Variants in HACE1 observed in about 807,000 individuals in gnomAD.
HACE1 encodes the protein E3 ubiquitin-protein ligase HACE1.
A neutral mutation model predicts 118.4 loss-of-function variants in HACE1; 73 were observed. That is an observed-to-expected ratio of 0.62 (90% CI 0.51 to 0.75). HACE1 has a LOEUF of 0.75. Among genes scored for constraint, HACE1 ranks in the 30% least tolerant of loss-of-function variants. The probability of loss-of-function intolerance (pLI) is 0.00; values close to 1 mark genes in which losing one functional copy is unlikely to be tolerated. For synonymous variants in HACE1, 368 were observed against 374.8 expected, an observed-to-expected ratio of 0.98 and a Z score of 0.21; for missense variants, 749 against 1,102.2, an observed-to-expected ratio of 0.68 and a Z score of 4.54.
chr6:104,737,115 C>G (rs1775933443), intron 22 of HACE1, among the ~76,000 whole-genome samples: 1 of 128,504 alleles, frequency 7.8e-6, no homozygotes, highest in Non-Finnish European at 1.6e-5. Flanking sequence ...GAAACCTCAT[C>G]TCTACTAAAA....
In HACE1 at chr6:104,785,280, C is replaced by T. The variant is rs1455811076; in HGVS notation, c.1114G>A (p.Val372Ile). ...TTCATCAATTCTGTGGCTATTAAAA[C>T]TAGCCATTCATCTAACGAGTGCCAA... is the stretch of plus-strand genomic sequence containing the variant. ...LLWHSLDEWL[V>I]LIATELMKNK... Residue 372 changes from valine to isoleucine, a missense_variant, in exon 12 of 24, where the codon GTT becomes ATT. This residue lies in a region of HACE1 where 267 missense variants were observed against 312.2 expected (regional missense o/e 0.86). Coordinates refer to ENST00000262903, the MANE Select transcript of HACE1 (RefSeq NM_020771.4). The T allele has an allele frequency of 6.2e-7, 1 of 1,610,760 alleles. No homozygotes were observed. The highest frequency in any genetic ancestry group is 1.7e-5 in the Admixed American group (1 of 59,950).
rs768887712 is a variant in HACE1 at position 104,777,051 on chromosome 6, G to C, written c.1738C>G (p.Gln580Glu). Residue 580 changes from glutamine (Q) to glutamate (E), a missense_variant, in exon 16 of 24, where the codon CAA becomes GAA. By Grantham distance (29) the Gln-to-Glu change is conservative. Transcript: ENST00000262903. ...VSKANCAKLK[Q>E]GIAVRFHGEE... is the part of the protein sequence containing the mutation. ...CCATGGAACCGTACAGCAATCCCTT[G>C]CTTTAGCTTTGCACAATTTGCTTTT... 1 of 1,612,568 alleles carries C rather than the reference G, an allele frequency of 6.2e-7. No homozygotes were observed.
In HACE1 at chr6:104,729,661, AT is replaced by A; in HGVS notation, c.2730del (p.Ter910TyrfsTer30). The A allele has an allele frequency of 7.3e-7, 1 of 1,375,048 alleles. No individual in the cohort carries two copies. Among genetic ancestry groups the A allele is most frequent in the Non-Finnish European group, 1.0e-6 (1 of 961,664 alleles). The allele number at this position is 1,375,048 out of a possible 1,614,324, so 85.2% of individuals were successfully genotyped here. On this transcript the variant is annotated frameshift_variant and stop_lost, in exon 24 of 24. Transcript: ENST00000262903. LOFTEE classifies it high-confidence loss of function. Reference sequence around the variant, plus strand: ...TAGTCAGAGGAGTTTTCCAGACTTCATTATGCCATTGTGTAACCATAGCTGC... The same window carrying A: ...TAGTCAGAGGAGTTTTCCAGACTTCATATGCCATTGTGTAACCATAGCTGC... ...HCGSYGYTMA[*>X] is the part of the protein sequence containing the mutation.
intron 19 of HACE1, among the ~76,000 whole-genome samples, chr6:104,758,980 T>G (rs1378517085): frequency 6.6e-6 from 1 of 151,556 alleles, no homozygotes; most frequent in Non-Finnish European, 1.5e-5. Context: ...GGTAAAAGGA[T>G]CAATGCAACA....
intron 20 of HACE1, among the ~76,000 whole-genome samples, chr6:104,745,369 A>G (rs1413875271): frequency 6.6e-6 from 1 of 152,128 alleles, no homozygotes; most frequent in Non-Finnish European, 1.5e-5. Context: ...ATCAGTCCAT[A>G]TATCACAGTT....
At chr6:104,840,955 C>T (rs9499989) in intron 5 of HACE1, among the ~76,000 whole-genome samples, 36,482 of 151,448 alleles carry the variant, frequency 0.24, 4,702 homozygotes, top group African/African-American at 0.34. Flanking sequence ...AAGAGTGAAA[C>T]TCTGTCTCAA....
intron 19 of HACE1, among the ~76,000 whole-genome samples, chr6:104,763,323 C>A (rs1043290126): frequency 1.3e-5 from 2 of 152,056 alleles, no homozygotes; most frequent in Non-Finnish European, 2.9e-5. Flanking sequence ...ATCCCTTATC[C>A]AAAATGCTTG....
intron 5 of HACE1, among the ~76,000 whole-genome samples, chr6:104,839,266 G>A (rs1026155051): frequency 9.9e-5 from 15 of 152,162 alleles, no homozygotes; most frequent in Non-Finnish European, 8.8e-5. Flanking sequence ...AACCAGAAGT[G>A]AACCAAATGT....
In HACE1 at chr6:104,859,708, C is replaced by T. The variant is rs979217178; in HGVS notation, c.-66G>A. The T allele has an allele frequency of 7.2e-7, 1 of 1,382,042 alleles. No homozygotes were observed. The highest frequency in any genetic ancestry group is 9.9e-7 in the Non-Finnish European group (1 of 1,014,342). 85.6% of individuals were successfully genotyped at this position (1,382,042 alleles called of 1,614,324 possible). ...CACCGGCGGCCTCCGCGCCCAGAGC[C>T]CTACATCTCGCCTGGGCCCGTCCAG... is the stretch of plus-strand genomic sequence containing the variant. On this transcript the variant is annotated 5_prime_UTR_variant, in exon 1 of 24. Coordinates refer to ENST00000262903, the MANE Select transcript of HACE1 (RefSeq NM_020771.4).
chr6:104,750,433 T>A lies in HACE1; in HGVS notation c.2251A>T (p.Arg751Ter). The A allele has an allele frequency of 6.2e-7, 1 of 1,613,194 alleles. No individual in the cohort carries two copies. Among genetic ancestry groups the A allele is most frequent in the Non-Finnish European group, 8.5e-7 (1 of 1,179,244 alleles). ...GCATTGATCTGAGGCTGAATGGCTCTTGTCATTCGAAGTTCAGTAACAAGC... is the reference window on the plus strand; with the variant it reads ...GCATTGATCTGAGGCTGAATGGCTCATGTCATTCGAAGTTCAGTAACAAGC... ...VQLVTELRMTRAIQPQINAFL... is the reference protein window; with the variant it reads ...VQLVTELRMT Residue 751 changes from arginine to a stop codon, truncating the protein, a stop_gained, in exon 20 of 24, where the codon AGA becomes TGA. Transcript: ENST00000262903. LOFTEE classifies it high-confidence loss of function.
intron 6 of HACE1, among the ~76,000 whole-genome samples, chr6:104,812,727 T>A (rs1399254075): frequency 6.6e-6 from 1 of 152,062 alleles, no homozygotes; most frequent in Non-Finnish European, 1.5e-5. Flanking sequence ...GCAACTCAAT[T>A]CTTACTACAG....
At chr6:104,776,982 T>C in intron 16 of HACE1, 31 bp downstream of exon 16, 1 of 1,411,882 alleles carries the variant, frequency 7.1e-7, no homozygotes, top group Non-Finnish European at 1.0e-6. Context: ...TTACATACAG[T>C]GATTTCTACA....
intron 11 of HACE1, among the ~76,000 whole-genome samples, chr6:104,789,174 T>C (rs1383432294): frequency 6.6e-6 from 1 of 152,118 alleles, no homozygotes; most frequent in East Asian, 1.9e-4. Flanking sequence ...TTTATCCTTG[T>C]AAATGGAAGG....
chr6:104,840,387 A>G (rs1774978717), intron 5 of HACE1, among the ~76,000 whole-genome samples: 1 of 152,200 alleles, frequency 6.6e-6, no homozygotes, highest in Non-Finnish European at 1.5e-5. Flanking sequence ...ATGTGCTTAT[A>G]CACCACAGGG....
chr6:104,771,198 T>A lies in HACE1; in HGVS notation c.2206A>T (p.Asn736Tyr). The A allele has an allele frequency of 6.2e-7, 1 of 1,606,886 alleles. No homozygotes were observed. Among genetic ancestry groups the A allele is most frequent in the Non-Finnish European group, 8.5e-7 (1 of 1,173,422 alleles). The change falls in exon 19 of 24, where the codon AAT (asparagine) becomes TAT (tyrosine). Residue 736 changes from asparagine (N) to tyrosine (Y), a missense_variant. Around this residue, in one of 5 missense-constraint regions of HACE1, gnomAD observed 165 missense variants for 229.9 expected, o/e 0.72. Transcript: ENST00000262903. Reference sequence around the variant, plus strand: ...GTAAAAACTGAAATACTCACTTTATTATTTTGTGTCACAAGAATACTCCCA... The same window carrying A: ...GTAAAAACTGAAATACTCACTTTATAATTTTGTGTCACAAGAATACTCCCA... ...GGGSILVTQN[N>Y]KAEYVQLVTE...
intron 19 of HACE1, among the ~76,000 whole-genome samples, chr6:104,756,444 TATAC>T (rs1244672796): frequency 2.5e-4 from 37 of 146,102 alleles, no homozygotes; most frequent in Non-Finnish European, 5.0e-4. Context: ...TATATATATA[TATAC>T]ACACACACAC....
chr6:104,772,137 C>T lies in HACE1; in HGVS notation c.1865-63G>A, dbSNP rs1050940616. The T allele has an allele frequency of 2.1e-5, 19 of 915,768 alleles. 1 individual carries two copies. The highest frequency in any genetic ancestry group is 1.4e-4 in the Admixed American group (7 of 50,996). 56.7% of individuals were successfully genotyped at this position (915,768 alleles called of 1,614,324 possible). A position where few individuals can be genotyped will look rare whatever the true frequency, so the allele number is the denominator to read the frequency against. On this transcript the variant is annotated intron_variant, in intron 17 of 23. Transcript: ENST00000262903. ...TCTATATGCAGAAGAAAGATTACTT[C>T]GATGCAGATAAACTAATTCACATAC... is the stretch of plus-strand genomic sequence containing the variant.
At chr6:104,789,805 G>C (rs1782823066) in intron 11 of HACE1, among the ~76,000 whole-genome samples, 1 of 152,080 alleles carries the variant, frequency 6.6e-6, no homozygotes, top group South Asian at 2.1e-4. Context: ...ATGAGTCAAA[G>C]TCAAATCATG....
chr6:104,754,681 A>G (rs1225814896), intron 19 of HACE1, among the ~76,000 whole-genome samples: 1 of 152,362 alleles, frequency 6.6e-6, no homozygotes, highest in Admixed American at 6.5e-5. Context: ...ATATCTGGAC[A>G]AACTAAGCTT....
Sources: gnomAD v4.1 joint callset for allele counts (sites outside exome capture counted in the v4.1 genomes callset) on GRCh38, gnomAD v4.1.1 for gene constraint, gnomAD v4.1.1 regional missense constraint, MANE v1.5 for transcripts, NCBI Gene and HGNC (gene_info 2026-07-23, HGNC 2026-07-21) for gene names.